TRPM4: variants seen among roughly 807,000 people sequenced by gnomAD.
TRPM4 encodes the protein transient receptor potential cation channel subfamily M member 4.
Under a neutral mutation model 135.6 loss-of-function variants are expected in TRPM4, and 124 were observed. The observed-to-expected ratio is 0.91, with a 90% CI of 0.79 to 1.06. The LOEUF (loss-of-function observed/expected upper bound fraction) is 1.06. TRPM4 is among the 50% of genes least tolerant of loss of function. The probability of loss-of-function intolerance (pLI) is 0.00; values close to 1 mark genes in which losing one functional copy is unlikely to be tolerated. For synonymous variants in TRPM4, 745 were observed against 705.6 expected, an observed-to-expected ratio of 1.06 and a Z score of -0.88; for missense variants, 1,658 against 1,671.4, an observed-to-expected ratio of 0.99 and a Z score of 0.14.
At chr19:49,173,270 A>G (rs1049409718) in intron 9 of TRPM4, among the ~76,000 whole-genome samples, 7 of 149,718 alleles carry the variant, frequency 4.7e-5, no homozygotes, top group Non-Finnish European at 7.4e-5. Flanking sequence ...TCACCTGTCC[A>G]TCCACACATC....
In TRPM4 at chr19:49,158,271, G is replaced by A. The variant is rs377431946; in HGVS notation, c.92+12G>A. 8.4e-5 allele frequency: 136 copies of A among 1,612,844 alleles called. 1 individual carries two copies. In the South Asian group the frequency reaches 1.3e-3, roughly 15 times the overall value. Reference sequence around the variant, plus strand: ...TCCACAGATCCGGGGTGAGGAGTTCGCCCCTGGACTGACCCCAGAGGGTCC... The same window carrying A: ...TCCACAGATCCGGGGTGAGGAGTTCACCCCTGGACTGACCCCAGAGGGTCC... On this transcript the variant is annotated intron_variant, in intron 2 of 24. Transcript: ENST00000252826.
chr19:49,171,747 A>T lies in TRPM4; in HGVS notation c.1028A>T (p.Asp343Val). The change falls in exon 8 of 25, where the codon GAC (aspartate) becomes GTC (valine). Residue 343 changes from aspartate (D) to valine (V), a missense_variant. Around this residue, in one of 3 missense-constraint regions of TRPM4, gnomAD observed 1,412 missense variants for 1,408.7 expected, o/e 1.00. Transcript: ENST00000252826. This position sits in a 1 kb window ranked among gnomAD's most constrained non-coding sequence, Gnocchi z 4.7. ...DRIRRFFPKG[D>V]LEVLQAQVER... The stretch of plus-strand genomic sequence containing the variant: ...ATCAGGCGTTTCTTTCCCAAAGGGG[A>T]CCTTGAGGTCCTGCAGGCCCAGGTA... 6.2e-7 allele frequency: 1 copy of T among 1,611,238 alleles called. No homozygotes were observed. The highest frequency in any genetic ancestry group is 8.5e-7 in the Non-Finnish European group (1 of 1,179,800).
intron 14 of TRPM4, among the ~76,000 whole-genome samples, chr19:49,189,393 G>C (rs982889719): frequency 6.6e-6 from 1 of 152,264 alleles, no homozygotes; most frequent in South Asian, 2.1e-4. Flanking sequence ...AGTCCTTCCC[G>C]CTTTCAGGGA....
In TRPM4 at chr19:49,211,114, A is replaced by C. The variant is rs112015723; in HGVS notation, c.3534+27A>C. 1 of 1,612,678 alleles carries C rather than the reference A, an allele frequency of 6.2e-7. No individual in the cohort carries two copies. The highest frequency in any genetic ancestry group is 1.3e-5 in the African/African-American group (1 of 74,804). On this transcript the variant is annotated intron_variant, in intron 23 of 24. Transcript: ENST00000252826. This position sits in a 1 kb window ranked among gnomAD's most constrained non-coding sequence, Gnocchi z 4.8. Reference sequence around the variant, plus strand: ...TGAGGCCTTGGGGCCTGGCTGGGGGACTGTGGCAGGGGTCCCATCTCCCGC... The same window carrying C: ...TGAGGCCTTGGGGCCTGGCTGGGGGCCTGTGGCAGGGGTCCCATCTCCCGC...
Position 49,210,324 on chromosome 19 carries a change from T to G in TRPM4, c.3247T>G (p.Ser1083Ala). 1 of 1,614,198 alleles carries G rather than the reference T, an allele frequency of 6.2e-7. No individual in the cohort carries two copies. The highest frequency in any genetic ancestry group is 1.3e-5 in the African/African-American group (1 of 75,066). Residue 1083 changes from serine to alanine, a missense_variant, in exon 21 of 25, where the codon TCC becomes GCC. Ser to Ala is a moderately conservative substitution (Grantham distance 99, BLOSUM62 1). Around this residue, in one of 3 missense-constraint regions of TRPM4, gnomAD observed 1,412 missense variants for 1,408.7 expected, o/e 1.00. Coordinates refer to ENST00000252826, the MANE Select transcript of TRPM4 (RefSeq NM_017636.4). This position sits in a 1 kb window ranked among gnomAD's most constrained non-coding sequence, Gnocchi z 4.1. ...GCTGGCCCCGCCCTTTATCGTCATC[T>G]CCCACTTGCGCCTCCTGCTCAGGCA... ...PALAPPFIVISHLRLLLRQLC... is the reference protein window; with the variant it reads ...PALAPPFIVIAHLRLLLRQLC...
At chr19:49,193,424 C>G (rs1372215057) in intron 16 of TRPM4, among the ~76,000 whole-genome samples, 1 of 152,124 alleles carries the variant, frequency 6.6e-6, no homozygotes, top group African/African-American at 2.4e-5. Flanking sequence ...GCAATAGGGC[C>G]TATAATTATT....
In TRPM4 at chr19:49,210,165, C is replaced by A. The variant is rs747308557; in HGVS notation, c.3132-44C>A. ...ATCTAACCTTCGTCCTTGCCCCTGG[C>A]TGGGCCCTGACCTCAAGTGACCTTT... On this transcript the variant is annotated intron_variant, in intron 20 of 24. Transcript: ENST00000252826. The surrounding 1 kb of genome is among the most constrained non-coding windows in gnomAD (Gnocchi z 4.1). The A allele has an allele frequency of 7.5e-6, 12 of 1,605,462 alleles. No individual in the cohort carries two copies. The highest frequency in any genetic ancestry group is 1.0e-5 in the Non-Finnish European group (12 of 1,172,160).
chr19:49,173,482 C>T (rs577206015), intron 9 of TRPM4, among the ~76,000 whole-genome samples: 1 of 152,332 alleles, frequency 6.6e-6, no homozygotes, highest in Admixed American at 6.5e-5. Flanking sequence ...CCCATTCTTC[C>T]TTCCCTACAT....
At chr19:49,179,858 A>G (rs1568468467) in intron 9 of TRPM4, among the ~76,000 whole-genome samples, 1 of 152,214 alleles carries the variant, frequency 6.6e-6, no homozygotes. Flanking sequence ...TGGAGGTTAC[A>G]CTGGCCAAGC....
intron 20 of TRPM4, among the ~76,000 whole-genome samples, chr19:49,203,112 C>A (rs1316313713): frequency 6.6e-6 from 1 of 151,150 alleles, no homozygotes; most frequent in Non-Finnish European, 1.5e-5. Flanking sequence ...CGGATGGTCT[C>A]AATCTCCTGA....
rs1228638701 is a variant in TRPM4, at chr19:49,172,497, C to T, written c.1150+389C>T. ...AATTCCATCCGCTCATTCCTCCATC[C>T]GTCTTCTCACCTGTCCATCCACACA... On this transcript the variant is annotated intron_variant, in intron 9 of 24. Coordinates refer to ENST00000252826, the MANE Select transcript of TRPM4 (RefSeq NM_017636.4). Among the ~76,000 whole-genome samples, 10 of 152,094 alleles carry T rather than the reference C, an allele frequency of 6.6e-5. No homozygotes were observed. In the South Asian group the frequency reaches 1.0e-3, roughly 16 times the overall value.
At chr19:49,184,486 A>T (rs1600466522) in intron 12 of TRPM4, among the ~76,000 whole-genome samples, 1 of 101,402 alleles carries the variant, frequency 9.9e-6, no homozygotes, top group Non-Finnish European at 1.8e-5. Flanking sequence ...TTTGAGACAG[A>T]GTCTCGCTCA....
In TRPM4 at chr19:49,210,295, C is replaced by T. The variant is rs770532362; in HGVS notation, c.3218C>T (p.Pro1073Leu). Residue 1073 changes from proline to leucine, a missense_variant, in exon 21 of 25, where the codon CCC becomes CTC. Pro to Leu is a moderately conservative substitution (Grantham distance 98, BLOSUM62 -3). Coordinates refer to ENST00000252826, the MANE Select transcript of TRPM4 (RefSeq NM_017636.4). This position sits in a 1 kb window ranked among gnomAD's most constrained non-coding sequence, Gnocchi z 4.1. ...CTCATCCGGGAATTCCACTCTCGGC[C>T]CGCGCTGGCCCCGCCCTTTATCGTC... is the stretch of plus-strand genomic sequence containing the variant. ...YRLIREFHSRPALAPPFIVIS... is the reference protein window; with the variant it reads ...YRLIREFHSRLALAPPFIVIS... The T allele has an allele frequency of 2.5e-6, 4 of 1,614,236 alleles. No individual in the cohort carries two copies. The highest frequency in any genetic ancestry group is 1.3e-5 in the African/African-American group (1 of 75,074).
chr19:49,197,197 T>C (rs1432273263), intron 17 of TRPM4, among the ~76,000 whole-genome samples: 1 of 151,818 alleles, frequency 6.6e-6, no homozygotes, highest in African/African-American at 2.4e-5. Flanking sequence ...CAACCTCACC[T>C]CCTCCCTTCT....
chr19:49,165,538 C>T (rs1967136977), intron 2 of TRPM4, among the ~76,000 whole-genome samples: 1 of 152,146 alleles, frequency 6.6e-6, no homozygotes, highest in African/African-American at 2.4e-5. Flanking sequence ...TTCCCTGGCT[C>T]CTCATAGCTC....
In TRPM4 at chr19:49,211,189, G is replaced by C; in HGVS notation, c.3560G>C (p.Gly1187Ala). ...GTCCAGCAGTGTAGCCGCGTCCTGG[G>C]GTGGGTGGCCGAGGCCCTGAGCCGC... ...REVQQCSRVL[G>A]WVAEALSRSA... The change falls in exon 24 of 25, where the codon GGG (glycine) becomes GCG (alanine). Residue 1187 changes from glycine (G) to alanine (A), a missense_variant. Transcript: ENST00000252826. The surrounding 1 kb of genome is among the most constrained non-coding windows in gnomAD (Gnocchi z 4.8). 1 of 1,604,132 alleles carries C rather than the reference G, an allele frequency of 6.2e-7. No individual in the cohort carries two copies. The highest frequency in any genetic ancestry group is 1.1e-5 in the South Asian group (1 of 89,424).
chr19:49,185,087 A>C (rs1422621957), intron 12 of TRPM4, among the ~76,000 whole-genome samples: 1 of 151,556 alleles, frequency 6.6e-6, no homozygotes, highest in Admixed American at 6.6e-5. Flanking sequence ...TTCTTTTTTC[A>C]TGATTTCCTT....
At chr19:49,164,363 A>AGTTTTTTTTTT (rs1967088747) in intron 2 of TRPM4, among the ~76,000 whole-genome samples, 9 of 10,100 alleles carry the variant, frequency 8.9e-4, no homozygotes, top group Non-Finnish European at 1.2e-3. Context: ...TTCTTTCCTT[A>AGTTTTTTTTTT]GTTTTTTTTT....
At chr19:49,175,829 G>A (rs555543196) in intron 9 of TRPM4, among the ~76,000 whole-genome samples, 9 of 149,604 alleles carry the variant, frequency 6.0e-5, no homozygotes, top group East Asian at 4.0e-4. Flanking sequence ...GAGTTTCACC[G>A]TGTTAGCCAG....
Sources: gnomAD v4.1 joint callset for allele counts (sites outside exome capture counted in the v4.1 genomes callset) on GRCh38, gnomAD v4.1.1 for gene constraint, gnomAD v4.1.1 regional missense constraint, Gnocchi (gnomAD v3.1) non-coding constraint, MANE v1.5 for transcripts, NCBI Gene and HGNC (gene_info 2026-07-23, HGNC 2026-07-21) for gene names.